Variants in NFKB1 observed in about 807,000 individuals in gnomAD.
NFKB1 encodes the protein nuclear factor NF-kappa-B p105 subunit.
NFKB1 carries 9 observed loss-of-function variants against 105.1 expected under a neutral mutation model. That is an observed-to-expected ratio of 0.09 (90% CI 0.05 to 0.15). NFKB1 has a LOEUF of 0.15. Among genes scored for constraint, NFKB1 ranks in the 10% least tolerant of loss-of-function variants. The pLI is 1.00. For missense variants in NFKB1, 830 were observed against 1,203.7 expected (o/e 0.69, Z 4.59); for synonymous variants, 440 against 442.2 (o/e 1.00, Z 0.06).
intron 15 of NFKB1, 47 bp downstream of exon 15, chr4:102,597,708 G>A: frequency 1.3e-6 from 2 of 1,586,484 alleles, no homozygotes; most frequent in South Asian, 1.1e-5. Context: ...TGGGGAAGAA[G>A]AAGAGCATCG....
intron 1 of NFKB1, among the ~76,000 whole-genome samples, chr4:102,523,830 G>A (rs994063955): frequency 6.6e-6 from 1 of 152,166 alleles, no homozygotes; most frequent in Non-Finnish European, 1.5e-5. Flanking sequence ...TGGTATGCAA[G>A]AGTTCTGACA....
Position 102,537,908 on chromosome 4 carries a change from A to G in NFKB1, c.210A>G (p.Leu70=). 6.2e-7 allele frequency: 1 copy of G among 1,612,828 alleles called. No individual in the cohort carries two copies. ...YVCEGPSHGG[L]PGASSEKNKK... is the part of the protein sequence containing the mutation. ...GTGAAGGCCCATCCCATGGTGGACT[A>G]CCTGGTGCCTCTAGTGAAAAGAACA... Residue 70 remains leucine (L), a synonymous_variant, in exon 5 of 24, where the codon CTA becomes CTG. Transcript: ENST00000226574.
chr4:102,564,125 G>A (rs58995842), intron 5 of NFKB1, among the ~76,000 whole-genome samples: 2,674 of 152,000 alleles, frequency 0.018, 40 homozygotes, highest in African/African-American at 0.044. Context: ...CGGCCCGAAA[G>A]CTTAACTCTT....
At chr4:102,517,035 C>T (rs774875116) in intron 1 of NFKB1, among the ~76,000 whole-genome samples, 7 of 152,200 alleles carry the variant, frequency 4.6e-5, no homozygotes, top group Non-Finnish European at 5.9e-5. Context: ...CTTAGATGCC[C>T]AGAAACTGTT....
chr4:102,616,629 GC>G lies in NFKB1; in HGVS notation c.*38del. The G allele has an allele frequency of 1.2e-6, 2 of 1,603,480 alleles. No homozygotes were observed. Among genetic ancestry groups the G allele is most frequent in the Non-Finnish European group, 1.7e-6 (2 of 1,173,480 alleles). On this transcript the variant is annotated 3_prime_UTR_variant, in exon 24 of 24. Coordinates refer to ENST00000226574, the MANE Select transcript of NFKB1 (RefSeq NM_003998.4). ...AATTTCCCACACCGTGTAAACCAAA[GC>G]CCTAAAATTCCACTGCGTTGTCCAC...
chr4:102,508,899 A>G (rs4647971), intron 1 of NFKB1, among the ~76,000 whole-genome samples: 1,769 of 152,320 alleles, frequency 0.012, 21 homozygotes, highest in Non-Finnish European at 0.019. Flanking sequence ...CAAATCATAT[A>G]TCTCATGGTT....
At chr4:102,603,984 A>G (rs1365497252) in intron 16 of NFKB1, among the ~76,000 whole-genome samples, 1 of 152,144 alleles carries the variant, frequency 6.6e-6, no homozygotes, top group Non-Finnish European at 1.5e-5. Flanking sequence ...TTATTTGTGT[A>G]TGTTCCCATA....
intron 5 of NFKB1, among the ~76,000 whole-genome samples, chr4:102,542,813 T>A (rs911548012): frequency 6.6e-6 from 1 of 152,220 alleles, no homozygotes; most frequent in Admixed American, 6.5e-5. Context: ...TATTGATTCC[T>A]CTTTGCTGTC....
Position 102,552,233 on chromosome 4 carries a change from G to A in NFKB1, c.258+14277G>A, listed in dbSNP as rs140240745. The stretch of plus-strand genomic sequence containing the variant: ...AACTCAAACTTCATTCAAATGAGGA[G>A]TAGTTACTGAGCCTGAGAAATTTAT... On this transcript the variant is annotated intron_variant, in intron 5 of 23. Coordinates refer to ENST00000226574, the MANE Select transcript of NFKB1 (RefSeq NM_003998.4). Among the ~76,000 whole-genome samples, 357 of 152,288 alleles carry A rather than the reference G, an allele frequency of 2.3e-3. 1 individual carries two copies. The highest frequency in any genetic ancestry group is 8.4e-3 in the African/African-American group (350 of 41,566).
intron 22 of NFKB1, among the ~76,000 whole-genome samples, chr4:102,612,960 G>A (rs1728564777): frequency 6.6e-6 from 1 of 151,962 alleles, no homozygotes; most frequent in Non-Finnish European, 1.5e-5. Flanking sequence ...GCAGGGCATT[G>A]AGTCATGTTC....
chr4:102,527,330 G>A (rs768853161), intron 2 of NFKB1, among the ~76,000 whole-genome samples: 5 of 152,198 alleles, frequency 3.3e-5, no homozygotes, highest in Admixed American at 6.5e-5. Context: ...GGAAGTCTTC[G>A]TAAGCTGTGT....
At chr4:102,518,588 TA>T (rs1313654856) in intron 1 of NFKB1, among the ~76,000 whole-genome samples, 1 of 151,888 alleles carries the variant, frequency 6.6e-6, no homozygotes, top group African/African-American at 2.4e-5. Flanking sequence ...TTTGTTGCAT[TA>T]AAAAAAAGGA....
At chr4:102,521,956 T>A (rs1200625742) in intron 1 of NFKB1, among the ~76,000 whole-genome samples, 1 of 152,192 alleles carries the variant, frequency 6.6e-6, no homozygotes, top group Admixed American at 6.6e-5. Context: ...GGTGTGAAAA[T>A]CTTCCTAGAA....
Position 102,577,812 on chromosome 4 carries a change from A to T in NFKB1, c.571+773A>T. 3.0e-6 allele frequency: 3 copies of T among 985,430 alleles called. No homozygotes were observed. The South Asian group carries it at 1.4e-4, about 46-fold the overall frequency. 61.0% of individuals were successfully genotyped at this position (985,430 alleles called of 1,614,324 possible). A position where few individuals can be genotyped will look rare whatever the true frequency, so the allele number is the denominator to read the frequency against. On this transcript the variant is annotated intron_variant, in intron 7 of 23. Transcript: ENST00000226574. ...CATTCCGTGCTCTCTGGCATTCCACACTACATTCCATTTTCATTGTTCCAC... is the reference window on the plus strand; with the variant it reads ...CATTCCGTGCTCTCTGGCATTCCACTCTACATTCCATTTTCATTGTTCCAC...
intron 5 of NFKB1, among the ~76,000 whole-genome samples, chr4:102,549,709 C>T (rs1479529251): frequency 1.3e-5 from 2 of 152,066 alleles, no homozygotes; most frequent in East Asian, 3.8e-4. Flanking sequence ...CACCAATCTG[C>T]TCTGCCTCAT....
chr4:102,589,107 G>A (rs1168911857), intron 11 of NFKB1, among the ~76,000 whole-genome samples: 1 of 152,096 alleles, frequency 6.6e-6, no homozygotes, highest in Non-Finnish European at 1.5e-5. Flanking sequence ...AATCTTACTA[G>A]CTGTGTTATA....
chr4:102,614,195 C>T (rs1377494860), intron 23 of NFKB1, among the ~76,000 whole-genome samples: 6 of 152,196 alleles, frequency 3.9e-5, no homozygotes, highest in Admixed American at 3.9e-4. Flanking sequence ...CACCTTTGCA[C>T]CAAGTGCCAG....
At chr4:102,583,843 C>T (rs976302246) in intron 10 of NFKB1, among the ~76,000 whole-genome samples, 1 of 151,358 alleles carries the variant, frequency 6.6e-6, no homozygotes, top group African/African-American at 2.4e-5. Context: ...AGTAAGTGGC[C>T]AGTTAAATTA....
chr4:102,608,373 A>G (rs1489032093), intron 19 of NFKB1, among the ~76,000 whole-genome samples: 2 of 152,202 alleles, frequency 1.3e-5, no homozygotes, highest in African/African-American at 4.8e-5. Context: ...CAGACTAGAG[A>G]GACTACCAGA....
Sources: allele counts gnomAD v4.1 joint callset (sites outside exome capture counted in the v4.1 genomes callset), GRCh38; gene constraint gnomAD v4.1.1; transcripts MANE v1.5; gene names NCBI Gene and HGNC (gene_info 2026-07-23, HGNC 2026-07-21).